Variants in ABI3BP observed in about 807,000 individuals in gnomAD.
ABI3BP encodes the protein ABI family member 3 binding protein, also known as target of Nesh-SH3.
ABI3BP carries 216 observed loss-of-function variants against 268.6 expected under a neutral mutation model. The observed-to-expected ratio is 0.80, with a 90% confidence interval of 0.72 to 0.90. The LOEUF (loss-of-function observed/expected upper bound fraction) is 0.90, where lower values mean the gene tolerates loss of function less well. Ranked by LOEUF, ABI3BP falls within the 40% of genes least tolerant of loss-of-function variation. The pLI is 0.00. For synonymous variants in ABI3BP, 730 were observed against 730.0 expected (o/e 1.00, Z 0.00); for missense variants, 2,090 against 2,182.4 (o/e 0.96, Z 0.84).
At chr3:100,772,836 TGGG>T (rs2096588645) in intron 61 of ABI3BP, among the ~76,000 whole-genome samples, 4 of 152,024 alleles carry the variant, frequency 2.6e-5, no homozygotes, top group Admixed American at 6.5e-5. Flanking sequence ...CCCAGCACTT[TGGG>T]AGGCCGAGAT....
At chr3:100,761,984 C>T (rs2095985250) in intron 63 of ABI3BP, among the ~76,000 whole-genome samples, 1 of 152,166 alleles carries the variant, frequency 6.6e-6, no homozygotes, top group South Asian at 2.1e-4. Context: ...ATTCCAGAAC[C>T]TCATGAGGGA....
chr3:100,900,929 A>C (rs1409823439), intron 3 of ABI3BP, among the ~76,000 whole-genome samples: 1 of 152,206 alleles, frequency 6.6e-6, no homozygotes, highest in Non-Finnish European at 1.5e-5. Context: ...CATTCTCTTG[A>C]CATTCCTTAC....
chr3:100,899,086 C>A (rs1403253767), intron 3 of ABI3BP, among the ~76,000 whole-genome samples, 192 bp from the exon 4 acceptor site: 2 of 152,166 alleles, frequency 1.3e-5, no homozygotes, highest in Non-Finnish European at 2.9e-5. Flanking sequence ...ATACCTTTTT[C>A]AGATTTGTGT....
At chr3:100,846,547 T>C in intron 19 of ABI3BP, 101 bp from the exon 20 acceptor site, 1 of 738,308 alleles carries the variant, frequency 1.4e-6, no homozygotes, top group Non-Finnish European at 2.2e-6. Flanking sequence ...ATACATTAAA[T>C]GGAATGAACT....
At chr3:100,767,266 TA>T (rs2096319687) in intron 62 of ABI3BP, among the ~76,000 whole-genome samples, 1 of 152,178 alleles carries the variant, frequency 6.6e-6, no homozygotes, top group Non-Finnish European at 1.5e-5. Context: ...ATTGCATATT[TA>T]AAATACCCCA....
chr3:100,795,733 C>T (rs2097326727), intron 53 of ABI3BP, 71 bp downstream of exon 53: 3 of 1,102,694 alleles, frequency 2.7e-6, no homozygotes, highest in African/African-American at 1.7e-5. Flanking sequence ...TCAACAGGAT[C>T]ATTTGAGAAA....
intron 2 of ABI3BP, among the ~76,000 whole-genome samples, chr3:100,925,560 G>A (rs896371218): frequency 2.6e-5 from 4 of 151,868 alleles, no homozygotes; most frequent in Non-Finnish European, 5.9e-5. Flanking sequence ...ACTACAAGGC[G>A]TGAGCTACCG....
intron 61 of ABI3BP, among the ~76,000 whole-genome samples, chr3:100,773,339 T>C (rs1234867122): frequency 6.6e-6 from 1 of 152,156 alleles, no homozygotes; most frequent in African/African-American, 2.4e-5. Context: ...AAAAGATATA[T>C]AGATGGCAAA....
intron 41 of ABI3BP, among the ~76,000 whole-genome samples, chr3:100,818,030 T>C (rs948055514): frequency 6.6e-6 from 1 of 152,222 alleles, no homozygotes; most frequent in Non-Finnish European, 1.5e-5. Flanking sequence ...AGAGTCAGTC[T>C]ATCCTATTAT....
intron 62 of ABI3BP, 61 bp from the exon 63 acceptor site, chr3:100,766,010 C>T (rs2096253506): frequency 7.6e-7 from 1 of 1,309,666 alleles, no homozygotes; most frequent in African/African-American, 1.5e-5. Context: ...TTAATTGCTC[C>T]TGAAGCTAAT....
intron 6 of ABI3BP, among the ~76,000 whole-genome samples, chr3:100,880,688 A>G (rs538991832): frequency 9.2e-5 from 14 of 152,202 alleles, no homozygotes; most frequent in African/African-American, 3.4e-4. Context: ...ATGCTTCTTT[A>G]GAAATACCCA....
At chr3:100,959,200 A>G (rs969906321) in intron 1 of ABI3BP, among the ~76,000 whole-genome samples, 2 of 152,198 alleles carry the variant, frequency 1.3e-5, no homozygotes, top group African/African-American at 4.8e-5. Flanking sequence ...CTCCTAAAGA[A>G]TAAGGCTGGG....
chr3:100,794,382 T>C (rs765002009), intron 54 of ABI3BP, among the ~76,000 whole-genome samples: 1 of 151,874 alleles, frequency 6.6e-6, no homozygotes, highest in African/African-American at 2.4e-5. Flanking sequence ...CAGAGTTACA[T>C]GGTTTACATT....
At chr3:100,767,691 A>C (rs1215745103) in intron 62 of ABI3BP, among the ~76,000 whole-genome samples, 1 of 152,108 alleles carries the variant, frequency 6.6e-6, no homozygotes, top group African/African-American at 2.4e-5. Flanking sequence ...CATCCGTGGA[A>C]GGTTAATAAT....
intron 2 of ABI3BP, chr3:100,911,198 G>T: frequency 2.5e-6 from 1 of 393,812 alleles, no homozygotes; most frequent in South Asian, 3.1e-5. Flanking sequence ...CTAGCTTCAG[G>T]AATGTCAGTG....
chr3:100,902,057 A>T (rs1324976680), intron 3 of ABI3BP, among the ~76,000 whole-genome samples: 2 of 152,210 alleles, frequency 1.3e-5, no homozygotes, highest in Admixed American at 6.5e-5. Flanking sequence ...TTATGGAAGA[A>T]ATCCTTCCTT....
chr3:100,774,766 C>T (rs1185376346), intron 60 of ABI3BP, 93 bp from the exon 61 acceptor site: 21 of 982,804 alleles, frequency 2.1e-5, no homozygotes, highest in Non-Finnish European at 4.4e-6. Flanking sequence ...TTCAATATTT[C>T]TTCTTGTAAA....
At chr3:100,975,579 A>G (rs2085751721) in intron 1 of ABI3BP, among the ~76,000 whole-genome samples, 1 of 152,120 alleles carries the variant, frequency 6.6e-6, no homozygotes, top group South Asian at 2.1e-4. Context: ...CACAAATAGC[A>G]TTAGCTTCAA....
At chr3:100,813,848 TG>T in intron 44 of ABI3BP, 113 bp from the exon 45 acceptor site, 1 of 882,226 alleles carries the variant, frequency 1.1e-6, no homozygotes, top group South Asian at 1.6e-5. Flanking sequence ...CATGAGGTTA[TG>T]GAGAGCCATA....
Sources: gnomAD v4.1 joint callset for allele counts (sites outside exome capture counted in the v4.1 genomes callset) on GRCh38, gnomAD v4.1.1 for gene constraint, MANE v1.5 for transcripts, NCBI Gene and HGNC (gene_info 2026-07-23, HGNC 2026-07-21) for gene names.